REXO1: variants seen among roughly 807,000 people sequenced by gnomAD.
REXO1 encodes RNA exonuclease 1 homolog, also known as REX1, RNA exonuclease 1 homolog.
REXO1 carries 42 observed loss-of-function variants against 102.6 expected under a neutral mutation model. That is an observed-to-expected ratio of 0.41 (90% CI 0.32 to 0.53). The LOEUF (loss-of-function observed/expected upper bound fraction) is 0.53, where lower values mean the gene tolerates loss of function less well. REXO1 is among the 20% of genes least tolerant of loss of function. REXO1 has a pLI of 0.27. For synonymous variants in REXO1, 908 were observed against 779.1 expected, an observed-to-expected ratio of 1.17 and a Z score of -2.76; for missense variants, 1,819 against 1,732.5, an observed-to-expected ratio of 1.05 and a Z score of -0.89.
Position 1,828,407 on chromosome 19 carries a change from C to G in REXO1, c.382G>C (p.Ala128Pro), listed in dbSNP as rs1272622226. 1.2e-6 allele frequency: 2 copies of G among 1,607,594 alleles called. No individual in the cohort carries two copies. The highest frequency in any genetic ancestry group is 2.7e-5 in the African/African-American group (2 of 74,776). Residue 128 changes from alanine to proline, a missense_variant, in exon 2 of 16, where the codon GCG becomes CCG. Coordinates refer to ENST00000170168, the MANE Select transcript of REXO1 (RefSeq NM_020695.4). ...EHRSAEAPAL[A>P]PRGPNASPTV... The stretch of plus-strand genomic sequence containing the variant: ...GGGCTGGCGTTGGGGCCGCGGGGCG[C>G]CAGGGCGGGGGCCTCGGCGGAGCGG...
chr19:1,835,911 C>T (rs187856528), intron 1 of REXO1, among the ~76,000 whole-genome samples: 2 of 152,338 alleles, frequency 1.3e-5, no homozygotes, highest in East Asian at 3.9e-4. Context: ...CTTGTCCCGG[C>T]CTAGGAGAGA....
At position 1,820,406 on chromosome 19, in the gene REXO1, G is replaced by A. The variant is rs1351909372; in HGVS notation, c.2395-11C>T. ...GGGTTTCTTTAAACTCTAGAGGGAA[G>A]GCAAAAGCTGCCATGGGTGAGGGCC... On this transcript the variant is annotated splice_polypyrimidine_tract_variant and intron_variant, in intron 5 of 15. Coordinates refer to ENST00000170168, the MANE Select transcript of REXO1 (RefSeq NM_020695.4). 7 of 1,611,966 alleles carry A rather than the reference G, an allele frequency of 4.3e-6. No homozygotes were observed. Among genetic ancestry groups the A allele is most frequent in the Non-Finnish European group, 5.1e-6 (6 of 1,179,278 alleles).
chr19:1,820,521 T>C (rs2069502581), intron 5 of REXO1, 126 bp from the exon 6 acceptor site: 3 of 1,121,324 alleles, frequency 2.7e-6, no homozygotes, highest in Non-Finnish European at 3.8e-6. Context: ...CAGATCAGCC[T>C]GGCTGCAGTA....
At chr19:1,844,725 G>A (rs567349353) in intron 1 of REXO1, among the ~76,000 whole-genome samples, 7 of 152,326 alleles carry the variant, frequency 4.6e-5, no homozygotes, top group Admixed American at 3.9e-4. Context: ...CGGGATCCCC[G>A]AGGGCAGGAG....
intron 5 of REXO1, 34 bp downstream of exon 5, chr19:1,821,485 G>A (rs752021031): frequency 5.6e-6 from 9 of 1,612,400 alleles, no homozygotes; most frequent in African/African-American, 5.3e-5. Flanking sequence ...GTGGTCTTGG[G>A]GGTGGTGGTC....
Position 1,827,652 on chromosome 19 carries a change from T to C in REXO1, c.1137A>G (p.Lys379=), listed in dbSNP as rs772749928. The part of the protein sequence containing the change: ...GCPKEGKPKK[K]KTGAPPAPSC... ...TGGGGGCAGGTGGGGCCCCGGTTTT[T>C]TTCTTCTTGGGTTTTCCCTCCTTGG... Residue 379 remains lysine (K), a synonymous_variant, in exon 2 of 16, where the codon AAA becomes AAG. Transcript: ENST00000170168. 1.3e-6 allele frequency: 2 copies of C among 1,569,168 alleles called. No homozygotes were observed. The highest frequency in any genetic ancestry group is 1.7e-6 in the Non-Finnish European group (2 of 1,171,750).
In REXO1 at chr19:1,827,231, C is replaced by T. The variant is rs1269425089; in HGVS notation, c.1558G>A (p.Asp520Asn). Residue 520 changes from aspartate (D) to asparagine (N), a missense_variant, in exon 2 of 16, where the codon GAC (aspartate) becomes AAC (asparagine). Physicochemically the swap from Asp to Asn is conservative, Grantham distance 23. Coordinates refer to ENST00000170168, the MANE Select transcript of REXO1 (RefSeq NM_020695.4). ...KLKKRALSHA[D>N]LFGDESEDEA... The stretch of plus-strand genomic sequence containing the variant: ...TCCTCACTCTCGTCCCCAAAGAGGT[C>T]GGCGTGGCTCAGGGCCCGCTTCTTC... 3.2e-6 allele frequency: 5 copies of T among 1,546,606 alleles called. No homozygotes were observed. The highest frequency in any genetic ancestry group is 2.4e-5 in the South Asian group (2 of 84,962).
chr19:1,830,713 TGAG>T (rs2069877551), intron 1 of REXO1: 1 of 245,630 alleles, frequency 4.1e-6, no homozygotes, highest in African/African-American at 2.3e-5. Flanking sequence ...TGCCCGTCAC[TGAG>T]GGGGCCATGG....
chr19:1,835,627 G>A lies in REXO1; in HGVS notation c.158-6996C>T, dbSNP rs191995485. The stretch of plus-strand genomic sequence containing the variant: ...AGTAGGAGGGGCCCGTCCAGGCCCC[G>A]TCCCACGGCTGGGAATTACTTTGGA... On this transcript the variant is annotated intron_variant, in intron 1 of 15. Coordinates refer to ENST00000170168, the MANE Select transcript of REXO1 (RefSeq NM_020695.4). Among the ~76,000 whole-genome samples the A allele has an allele frequency of 4.1e-4, 62 of 152,288 alleles. 1 individual carries two copies. The highest frequency in any genetic ancestry group is 1.2e-3 in the African/African-American group (51 of 41,558).
chr19:1,846,573 T>C (rs761534530), intron 1 of REXO1, among the ~76,000 whole-genome samples: 1 of 151,964 alleles, frequency 6.6e-6, no homozygotes. Flanking sequence ...AATGAGCCAT[T>C]TGGGATGCAG....
intron 1 of REXO1, among the ~76,000 whole-genome samples, chr19:1,837,521 G>T (rs1046335454): frequency 3.9e-5 from 6 of 152,160 alleles, no homozygotes. Context: ...CAGTGCCGGG[G>T]GCCTGGACCT....
intron 1 of REXO1, among the ~76,000 whole-genome samples, chr19:1,837,824 A>C (rs2070084827): frequency 6.6e-6 from 1 of 152,120 alleles, no homozygotes; most frequent in African/African-American, 2.4e-5. Context: ...TCCAGGGGAG[A>C]AAAAGAAAAA....
rs766079233 is a variant in REXO1, at chr19:1,826,889, G to A, written c.1900C>T (p.Leu634=). ...TSVKTEDRGR[L]ARQPPKEEKS... ...CCCGCGCGCCTCACCTGCCGGGCCAGCCGGCCTCTGTCCTCCGTCTTGACG... is the reference window on the plus strand; with the variant it reads ...CCCGCGCGCCTCACCTGCCGGGCCAACCGGCCTCTGTCCTCCGTCTTGACG... Residue 634 remains leucine, a synonymous_variant, in exon 2 of 16, where the codon CTG becomes TTG. Coordinates refer to ENST00000170168, the MANE Select transcript of REXO1 (RefSeq NM_020695.4). The surrounding 1 kb of genome is among the most constrained non-coding windows in gnomAD (Gnocchi z 4.3). The A allele has an allele frequency of 7.0e-6, 11 of 1,579,380 alleles. No individual in the cohort carries two copies. In the South Asian group the frequency reaches 1.3e-4, roughly 18 times the overall value.
intron 10 of REXO1, 59 bp from the exon 11 acceptor site, chr19:1,817,839 G>A (rs1004385157): frequency 8.5e-6 from 12 of 1,408,340 alleles, no homozygotes; most frequent in Middle Eastern, 4.3e-4. Flanking sequence ...CAGCCCCCGG[G>A]GCACTGACCA....
At chr19:1,831,845 CAAAAAAAAAA>C (rs745676775) in intron 1 of REXO1, among the ~76,000 whole-genome samples, 31 of 51,320 alleles carry the variant, frequency 6.0e-4, no homozygotes, top group Non-Finnish European at 1.2e-3. Context: ...AACTCCATCT[CAAAAAAAAAA>C]AAAAAAAAAA....
At position 1,828,500 on chromosome 19, in the gene REXO1, C is replaced by CCT; in HGVS notation, c.287_288dup (p.Ala97ArgfsTer64). On this transcript the variant is annotated frameshift_variant, in exon 2 of 16. Transcript: ENST00000170168. LOFTEE classifies it high-confidence loss of function. The stretch of plus-strand genomic sequence containing the variant: ...TCCAGCTCCACCTCACTGCGCACGG[C>CCT]CTCGATGGCCTGGTTGACCAGCTCC... 1 of 1,605,006 alleles carries CCT rather than the reference C, an allele frequency of 6.2e-7. No individual in the cohort carries two copies. The highest frequency in any genetic ancestry group is 1.1e-5 in the South Asian group (1 of 91,078).
Position 1,823,645 on chromosome 19 carries a change from C to A in REXO1, c.2157G>T (p.Ser719=). 1 of 1,304,028 alleles carries A rather than the reference C, an allele frequency of 7.7e-7. No homozygotes were observed. Among genetic ancestry groups the A allele is most frequent in the Non-Finnish European group, 9.8e-7 (1 of 1,018,066 alleles). The allele number at this position is 1,304,028 out of a possible 1,614,324, so 80.8% of individuals were successfully genotyped here. ...CAGGGGCGGAAATGTGGACGGAGGG[C>A]GACTTCTCTGCCAGCCTGGCGGGGG... ...LQAPARLAEK[S]PSVHISAPGE... Residue 719 remains serine, a synonymous_variant, in exon 4 of 16, where the codon TCG becomes TCT. Transcript: ENST00000170168.
rs774853953 is a variant in REXO1, at chr19:1,818,481, C to T, written c.3016+1G>A. The T allele has an allele frequency of 6.3e-7, 1 of 1,592,992 alleles. No homozygotes were observed. The highest frequency in any genetic ancestry group is 8.5e-7 in the Non-Finnish European group (1 of 1,170,836). ...GGGGAAGGACCCGGGTAAGGCCTTA[C>T]CCCGGTTCCGGCGCAGCCGTCCCCA... On this transcript the variant is annotated splice_donor_variant, in intron 10 of 15. Coordinates refer to ENST00000170168, the MANE Select transcript of REXO1 (RefSeq NM_020695.4). LOFTEE classifies it high-confidence loss of function.
At chr19:1,823,262 C>T (rs780897560) in intron 4 of REXO1, 1 of 353,742 alleles carries the variant, frequency 2.8e-6, no homozygotes. Flanking sequence ...TGCCAGGTAC[C>T]CCGACATGGC....
Sources: allele counts gnomAD v4.1 joint callset (sites outside exome capture counted in the v4.1 genomes callset), GRCh38; gene constraint gnomAD v4.1.1; non-coding constraint Gnocchi (gnomAD v3.1); transcripts MANE v1.5; gene names NCBI Gene and HGNC (gene_info 2026-07-23, HGNC 2026-07-21).